CHST8: variants seen among roughly 807,000 people sequenced by gnomAD.
CHST8 encodes the protein carbohydrate sulfotransferase 8.
In CHST8, 10 loss-of-function variants were observed where a neutral mutation model predicts 15.0. The observed-to-expected ratio is 0.67, with a 90% CI of 0.41 to 1.13. CHST8 has a LOEUF of 1.13. Among genes scored for constraint, CHST8 ranks in the 50% most tolerant of loss-of-function variants. CHST8 has a pLI of 0.00. For missense variants in CHST8, 634 were observed against 608.2 expected (o/e 1.04, Z -0.45); for synonymous variants, 259 against 256.6 (o/e 1.01, Z -0.09).
intron 1 of CHST8, among the ~76,000 whole-genome samples, chr19:33,666,858 A>G (rs571859884): frequency 6.6e-6 from 1 of 152,218 alleles, no homozygotes; most frequent in East Asian, 1.9e-4. Context: ...GCACATCACC[A>G]TGCCTGGCTA....
rs552602112 is a variant in CHST8 at position 33,674,960 on chromosome 19, G to A, written c.-87+7117G>A. Among the ~76,000 whole-genome samples the A allele has an allele frequency of 4.6e-5, 7 of 152,328 alleles. No individual in the cohort carries two copies. In the East Asian group the frequency reaches 7.7e-4, roughly 17 times the overall value. On this transcript the variant is annotated intron_variant, in intron 2 of 4. Coordinates refer to ENST00000650847, the MANE Select transcript of CHST8 (RefSeq NM_001127895.2). ...GTGGGAGTTTCTGAAATGAGTATACGTGTGTGCACACATGTCTACAGCATG... is the reference window on the plus strand; with the variant it reads ...GTGGGAGTTTCTGAAATGAGTATACATGTGTGCACACATGTCTACAGCATG...
chr19:33,635,210 G>C (rs1053883185), intron 1 of CHST8, among the ~76,000 whole-genome samples: 4 of 152,292 alleles, frequency 2.6e-5, no homozygotes, highest in South Asian at 4.1e-4. Flanking sequence ...GGCCATTCCT[G>C]TCATCAGCTG....
At chr19:33,694,572 C>G (rs1490137771) in intron 3 of CHST8, among the ~76,000 whole-genome samples, 1 of 152,052 alleles carries the variant, frequency 6.6e-6, no homozygotes, top group East Asian at 1.9e-4. Context: ...ATGGGCCAGG[C>G]CTCGTATTGA....
chr19:33,641,299 A>G (rs1461649557), intron 1 of CHST8, among the ~76,000 whole-genome samples: 1 of 152,188 alleles, frequency 6.6e-6, no homozygotes, highest in Non-Finnish European at 1.5e-5. Flanking sequence ...TGCCAGGATC[A>G]GAGTCCTCGG....
intron 1 of CHST8, among the ~76,000 whole-genome samples, 190 bp downstream of exon 1, chr19:33,622,486 G>C (rs1373075240): frequency 2.0e-5 from 3 of 152,212 alleles, no homozygotes; most frequent in Admixed American, 6.5e-5. Flanking sequence ...GTTGCACTTT[G>C]GGGACCGGCC....
chr19:33,668,238 A>T (rs2145229055), intron 2 of CHST8, among the ~76,000 whole-genome samples: 1 of 152,306 alleles, frequency 6.6e-6, no homozygotes, highest in South Asian at 2.1e-4. Context: ...ACTAAATTGC[A>T]TCTGTGTGAT....
chr19:33,668,980 C>T lies in CHST8; in HGVS notation c.-87+1137C>T, dbSNP rs1972699077. 7.2e-5 allele frequency among the ~76,000 whole-genome samples: 11 copies of T among 152,202 alleles called. 1 individual carries two copies. In the South Asian group the frequency reaches 2.3e-3, roughly 32 times the overall value. ...AGCACAAAAATGGGTCCGTGAGCCT[C>T]GGGAAACGTATTTGTGTTGCATCCT... On this transcript the variant is annotated intron_variant, in intron 2 of 4. Transcript: ENST00000650847.
chr19:33,766,257 C>T (rs1052107869), intron 3 of CHST8, among the ~76,000 whole-genome samples: 5 of 151,956 alleles, frequency 3.3e-5, no homozygotes, highest in African/African-American at 1.2e-4. Context: ...CGTCTCTTTC[C>T]CGCCTCCATA....
intron 2 of CHST8, among the ~76,000 whole-genome samples, chr19:33,687,696 C>T (rs1267722030): frequency 6.6e-6 from 1 of 152,130 alleles, no homozygotes; most frequent in Non-Finnish European, 1.5e-5. Flanking sequence ...TGCAATTTAC[C>T]CTCCCTAGCC....
chr19:33,724,415 C>A (rs1437889620), intron 3 of CHST8, among the ~76,000 whole-genome samples: 3 of 152,238 alleles, frequency 2.0e-5, no homozygotes, highest in East Asian at 3.9e-4. Flanking sequence ...GATGAGGATA[C>A]CCCCGGCCCC....
chr19:33,772,700 T>G lies in CHST8; in HGVS notation c.912T>G (p.Ser304=). Residue 304 remains serine (S), a synonymous_variant, in exon 5 of 5, where the codon TCT becomes TCG. Transcript: ENST00000650847. ...NASREALRTG[S]GVRFPEFVQY... ...CTCGGGAGGCCCTGCGGACCGGCTC[T>G]GGGGTGCGTTTTCCCGAGTTCGTCC... 2.5e-6 allele frequency: 4 copies of G among 1,613,502 alleles called. No homozygotes were observed. The highest frequency in any genetic ancestry group is 2.2e-5 in the South Asian group (2 of 91,062).
rs574109643 is a variant in CHST8 at position 33,715,011 on chromosome 19, A to C, written c.130+25620A>C. ...CTCCCTCCACAGGCTCTGTCCCAGC[A>C]CCATGGTGACTTGTCACTTCTCCCT... On this transcript the variant is annotated intron_variant, in intron 3 of 4. Coordinates refer to ENST00000650847, the MANE Select transcript of CHST8 (RefSeq NM_001127895.2). Among the ~76,000 whole-genome samples the C allele has an allele frequency of 5.9e-5, 9 of 152,232 alleles. No individual in the cohort carries two copies. The East Asian group carries it at 1.7e-3, about 29-fold the overall frequency.
intron 1 of CHST8, among the ~76,000 whole-genome samples, chr19:33,650,284 G>A (rs529932368): frequency 2.4e-3 from 363 of 152,048 alleles, no homozygotes; most frequent in Middle Eastern, 6.8e-3. Flanking sequence ...GCCAAGAGGG[G>A]GACTGTTTAT....
At position 33,766,679 on chromosome 19, in the gene CHST8, G is replaced by A. The variant is rs190407496; in HGVS notation, c.131-4734G>A. ...GAAGCTCAGAATCCGGGTACTGCAC[G>A]TGCTGAGGACCAAGATGCAGTCGGG... On this transcript the variant is annotated intron_variant, in intron 3 of 4. Coordinates refer to ENST00000650847, the MANE Select transcript of CHST8 (RefSeq NM_001127895.2). 3.3e-5 allele frequency among the ~76,000 whole-genome samples: 5 copies of A among 152,336 alleles called. No individual in the cohort carries two copies. The East Asian group carries it at 5.8e-4, about 18-fold the overall frequency.
At chr19:33,754,392 C>T (rs535464569) in intron 3 of CHST8, among the ~76,000 whole-genome samples, 9 of 152,066 alleles carry the variant, frequency 5.9e-5, no homozygotes, top group Non-Finnish European at 8.8e-5. Flanking sequence ...GGGGCTCTTC[C>T]GAGAACACAT....
intron 3 of CHST8, among the ~76,000 whole-genome samples, chr19:33,747,634 C>T (rs1374281384): frequency 6.6e-6 from 1 of 152,004 alleles, no homozygotes; most frequent in African/African-American, 2.4e-5. Flanking sequence ...AGTGATTACC[C>T]CGGCAGGAGC....
intron 3 of CHST8, among the ~76,000 whole-genome samples, chr19:33,770,239 G>A (rs951376005): frequency 2.0e-5 from 3 of 152,190 alleles, no homozygotes; most frequent in Admixed American, 2.0e-4. Context: ...CCAGGAAAGT[G>A]GTGGGACACT....
intron 3 of CHST8, among the ~76,000 whole-genome samples, chr19:33,719,404 G>A (rs1973735724): frequency 6.6e-6 from 1 of 152,144 alleles, no homozygotes; most frequent in Non-Finnish European, 1.5e-5. Context: ...GGACACTTCT[G>A]TTTTAGGAAG....
In CHST8 at chr19:33,722,252, G is replaced by T. The variant is rs558703311; in HGVS notation, c.130+32861G>T. Among the ~76,000 whole-genome samples, 5 of 150,196 alleles carry T rather than the reference G, an allele frequency of 3.3e-5. No homozygotes were observed. In the South Asian group the frequency reaches 1.1e-3, roughly 32 times the overall value. Reference sequence around the variant, plus strand: ...ATGAATGGGTGGATGGAAGGTGGGAGGGAGGGAGTGATAGATGAATGGATG... The same window carrying T: ...ATGAATGGGTGGATGGAAGGTGGGATGGAGGGAGTGATAGATGAATGGATG... On this transcript the variant is annotated intron_variant, in intron 3 of 4. Transcript: ENST00000650847.
Sources: allele counts gnomAD v4.1 joint callset (sites outside exome capture counted in the v4.1 genomes callset), GRCh38; gene constraint gnomAD v4.1.1; transcripts MANE v1.5; gene names NCBI Gene and HGNC (gene_info 2026-07-23, HGNC 2026-07-21).